The following HS6ST3 variants were observed in gnomAD, a reference collection of about 807,000 sequenced individuals.
HS6ST3 encodes heparan-sulfate 6-O-sulfotransferase 3.
In HS6ST3, 12 loss-of-function variants were observed where a neutral mutation model predicts 36.7. That is an observed-to-expected ratio of 0.33 (90% CI 0.21 to 0.53). The LOEUF (loss-of-function observed/expected upper bound fraction) is 0.53, where lower values mean the gene tolerates loss of function less well. HS6ST3 is among the 20% of genes least tolerant of loss of function. HS6ST3 has a pLI of 0.95. For missense variants in HS6ST3, 584 were observed against 640.9 expected (o/e 0.91, Z 0.96); for synonymous variants, 240 against 257.5 (o/e 0.93, Z 0.65).
intron 1 of HS6ST3, among the ~76,000 whole-genome samples, chr13:96,272,799 A>G (rs1162345639): frequency 6.6e-6 from 1 of 151,944 alleles, no homozygotes; most frequent in Non-Finnish European, 1.5e-5. Context: ...AGTGAACCAT[A>G]CCTTGGGGAT....
chr13:96,341,798 A>C (rs2055131811), intron 1 of HS6ST3, among the ~76,000 whole-genome samples: 1 of 152,196 alleles, frequency 6.6e-6, no homozygotes, highest in African/African-American at 2.4e-5. Flanking sequence ...AACTTTGAGA[A>C]TATGTCTCAC....
At chr13:96,371,637 C>T (rs1299128631) in intron 1 of HS6ST3, among the ~76,000 whole-genome samples, 3 of 152,132 alleles carry the variant, frequency 2.0e-5, no homozygotes, top group African/African-American at 7.2e-5. Flanking sequence ...ACTCCCAGAC[C>T]CTGGAAACCA....
intron 1 of HS6ST3, among the ~76,000 whole-genome samples, chr13:96,234,274 G>C (rs1248192024): frequency 6.6e-6 from 1 of 151,996 alleles, no homozygotes; most frequent in Admixed American, 6.6e-5. Context: ...GCCGGGCATG[G>C]TGGCACGTGC....
intron 1 of HS6ST3, among the ~76,000 whole-genome samples, chr13:96,803,681 C>A (rs1248259362): frequency 6.6e-6 from 1 of 152,090 alleles, no homozygotes; most frequent in East Asian, 1.9e-4. Context: ...TATTTGTTTG[C>A]CTGTTGATAG....
intron 1 of HS6ST3, among the ~76,000 whole-genome samples, chr13:96,195,390 G>A (rs2054307293): frequency 6.6e-6 from 1 of 152,204 alleles, no homozygotes; most frequent in African/African-American, 2.4e-5. Context: ...ACTCTTTGCA[G>A]AAATATTTTA....
At chr13:96,413,108 C>T (rs1024656703) in intron 1 of HS6ST3, among the ~76,000 whole-genome samples, 6 of 152,122 alleles carry the variant, frequency 3.9e-5, no homozygotes, top group Non-Finnish European at 7.4e-5. Context: ...GCTATGTGAG[C>T]ACATTCTTAC....
At chr13:96,261,881 C>G (rs9513118) in intron 1 of HS6ST3, among the ~76,000 whole-genome samples, 69,667 of 152,052 alleles carry the variant, frequency 0.46, 16,785 homozygotes, top group Admixed American at 0.57. Flanking sequence ...TCAGCCTAGT[C>G]TGGTCAGTGT....
At chr13:96,229,742 T>A (rs1313837968) in intron 1 of HS6ST3, among the ~76,000 whole-genome samples, 1 of 152,206 alleles carries the variant, frequency 6.6e-6, no homozygotes, top group African/African-American at 2.4e-5. Flanking sequence ...GAAGAGAACA[T>A]AATTTCAGCC....
chr13:96,787,404 T>C (rs1251239507), intron 1 of HS6ST3, among the ~76,000 whole-genome samples: 2 of 152,144 alleles, frequency 1.3e-5, no homozygotes, highest in Admixed American at 6.6e-5. Context: ...GCATTTGTCA[T>C]TATCTTTTAT....
chr13:96,787,869 A>G (rs900290892), intron 1 of HS6ST3, among the ~76,000 whole-genome samples: 1 of 151,908 alleles, frequency 6.6e-6, no homozygotes, highest in Admixed American at 6.6e-5. Flanking sequence ...TTTATTCTGT[A>G]AATTTCTAGT....
At chr13:96,187,455 G>A (rs147523635) in intron 1 of HS6ST3, among the ~76,000 whole-genome samples, 80 of 152,268 alleles carry the variant, frequency 5.3e-4, no homozygotes, top group African/African-American at 1.7e-3. Flanking sequence ...AGAATATGAA[G>A]CAGTTTGCCC....
chr13:96,270,633 G>A (rs2054715205), intron 1 of HS6ST3, among the ~76,000 whole-genome samples: 1 of 148,512 alleles, frequency 6.7e-6, no homozygotes, highest in Non-Finnish European at 1.5e-5. Flanking sequence ...GAGTTGTGCT[G>A]GGCATCTGGA....
chr13:96,264,396 A>G (rs2054681315), intron 1 of HS6ST3, among the ~76,000 whole-genome samples: 1 of 152,180 alleles, frequency 6.6e-6, no homozygotes, highest in Non-Finnish European at 1.5e-5. Context: ...ACCAAGTGCC[A>G]ACTTCTCCCT....
chr13:96,158,545 C>T (rs1231443297), intron 1 of HS6ST3, among the ~76,000 whole-genome samples: 4 of 143,182 alleles, frequency 2.8e-5, no homozygotes, highest in Non-Finnish European at 4.5e-5. Flanking sequence ...CCCAGCTACT[C>T]GGGAGGCTGA....
chr13:96,807,815 G>T (rs893511312), intron 1 of HS6ST3, among the ~76,000 whole-genome samples: 39 of 149,816 alleles, frequency 2.6e-4, no homozygotes, highest in Middle Eastern at 7.1e-3. Context: ...GCAGTGAGCC[G>T]AGATGGTGCC....
At chr13:96,280,274 A>G (rs986064681) in intron 1 of HS6ST3, among the ~76,000 whole-genome samples, 4 of 152,024 alleles carry the variant, frequency 2.6e-5, no homozygotes, top group South Asian at 2.1e-4. Context: ...TCTTGGCCAT[A>G]TGTTCTAGTC....
intron 1 of HS6ST3, among the ~76,000 whole-genome samples, chr13:96,810,146 A>G (rs371936562): frequency 1.4e-4 from 22 of 152,170 alleles, no homozygotes; most frequent in African/African-American, 4.6e-4. Flanking sequence ...GCTGTGAGGC[A>G]CCCCAGCCTC....
intron 1 of HS6ST3, among the ~76,000 whole-genome samples, chr13:96,244,711 A>G (rs1378472993): frequency 6.6e-6 from 1 of 152,218 alleles, no homozygotes; most frequent in Non-Finnish European, 1.5e-5. Context: ...TTATTACAGA[A>G]GAAATAGAAC....
chr13:96,216,276 T>C (rs937437493), intron 1 of HS6ST3, among the ~76,000 whole-genome samples: 3 of 152,230 alleles, frequency 2.0e-5, no homozygotes, highest in African/African-American at 7.2e-5. Context: ...TTGATTCTAC[T>C]TTTTCACATA....
Sources: allele counts gnomAD v4.1 joint callset (sites outside exome capture counted in the v4.1 genomes callset), GRCh38; gene constraint gnomAD v4.1.1; transcripts MANE v1.5; gene names NCBI Gene and HGNC (gene_info 2026-07-23, HGNC 2026-07-21).